POU2F1: variants seen among roughly 807,000 people sequenced by gnomAD.
The protein encoded by POU2F1 is POU class 2 homeobox 1, also known as POU domain, class 2, transcription factor 1.
Under a neutral mutation model 84.9 loss-of-function variants are expected in POU2F1, and 16 were observed. That is an observed-to-expected ratio of 0.19 (90% CI 0.13 to 0.29). The LOEUF (loss-of-function observed/expected upper bound fraction) is 0.29. Among genes scored for constraint, POU2F1 ranks in the 10% least tolerant of loss-of-function variants. The probability of loss-of-function intolerance (pLI) is 1.00; values close to 1 mark genes in which losing one functional copy is unlikely to be tolerated. For missense variants in POU2F1, 738 were observed against 942.6 expected, an observed-to-expected ratio of 0.78 and a Z score of 2.84; for synonymous variants, 368 against 368.3, an observed-to-expected ratio of 1.00 and a Z score of 0.01.
chr1:167,358,948 C>T (rs1659167462), intron 2 of POU2F1, among the ~76,000 whole-genome samples: 1 of 151,550 alleles, frequency 6.6e-6, no homozygotes, highest in Non-Finnish European at 1.5e-5. Flanking sequence ...GAAGTTTATA[C>T]GTTACAAAGT....
chr1:167,318,760 A>T (rs1656100843), intron 1 of POU2F1, among the ~76,000 whole-genome samples: 1 of 152,186 alleles, frequency 6.6e-6, no homozygotes, highest in African/African-American at 2.4e-5. Context: ...TTCTTTTCTC[A>T]TGTGAGTGAG....
chr1:167,365,352 T>C, intron 2 of POU2F1, 115 bp from the exon 3 acceptor site: 1 of 633,992 alleles, frequency 1.6e-6, no homozygotes, highest in Non-Finnish European at 2.6e-6. Context: ...TCCTTGGAGG[T>C]ACTTAGAAAA....
At chr1:167,292,121 G>A (rs376576649) in intron 1 of POU2F1, among the ~76,000 whole-genome samples, 256 of 152,092 alleles carry the variant, frequency 1.7e-3, no homozygotes, top group African/African-American at 6.0e-3. Context: ...AGCTGTTGAG[G>A]CTTTTTATAG....
chr1:167,376,266 A>T, intron 7 of POU2F1, 111 bp downstream of exon 7: 2 of 1,199,642 alleles, frequency 1.7e-6, no homozygotes, highest in Non-Finnish European at 2.2e-6. Context: ...CAATGTTTTT[A>T]TTAAATTTTA....
In POU2F1 at chr1:167,322,595, G is replaced by A. The variant is rs151257885; in HGVS notation, c.62-9875G>A. Among the ~76,000 whole-genome samples the A allele has an allele frequency of 2.6e-3, 401 of 152,316 alleles. 2 individuals are homozygous for A. The highest frequency in any genetic ancestry group is 3.6e-3 in the African/African-American group (148 of 41,570). On this transcript the variant is annotated intron_variant, in intron 1 of 15. Transcript: ENST00000367866. ...GAATGGCCTGAGCCAGAAATGCCCC[G>A]GTTTGGGCGCTACTTGCCGAGACCA...
At chr1:167,394,510 G>A (rs921311551) in intron 9 of POU2F1, among the ~76,000 whole-genome samples, 13 of 152,154 alleles carry the variant, frequency 8.5e-5, no homozygotes, top group African/African-American at 2.9e-4. Flanking sequence ...AGTATATTCA[G>A]AACTGTCATT....
At chr1:167,354,167 A>G (rs1658780377) in intron 2 of POU2F1, among the ~76,000 whole-genome samples, 1 of 152,220 alleles carries the variant, frequency 6.6e-6, no homozygotes, top group African/African-American at 2.4e-5. Context: ...TGTTTATTCC[A>G]TTATTGATGG....
At chr1:167,385,191 A>G (rs1458196473) in intron 8 of POU2F1, among the ~76,000 whole-genome samples, 1 of 152,172 alleles carries the variant, frequency 6.6e-6, no homozygotes, top group East Asian at 1.9e-4. Context: ...TTAAAGACCT[A>G]TAAAATAGAA....
At chr1:167,375,948 A>G in intron 6 of POU2F1, 81 bp from the exon 7 acceptor site, 1 of 1,490,226 alleles carries the variant, frequency 6.7e-7, no homozygotes, top group Non-Finnish European at 9.3e-7. Flanking sequence ...GATGTGACAG[A>G]AGTCATCAGC....
Position 167,415,772 on chromosome 1 carries a change from G to A in POU2F1, c.2263G>A (p.Ala755Thr), listed in dbSNP as rs758039899. The change falls in exon 16 of 16, where the codon GCT becomes ACT. Residue 755 changes from alanine to threonine, a missense_variant. Ala to Thr is a moderately conservative substitution (Grantham distance 58, BLOSUM62 0). This residue lies in a region of POU2F1 where 319 missense variants were observed against 386.0 expected (regional missense o/e 0.83). Coordinates refer to ENST00000367866, the MANE Select transcript of POU2F1 (RefSeq NM_002697.4). ...SLFTVASASGAASTTTTASKA... is the reference protein window; with the variant it reads ...SLFTVASASGTASTTTTASKA... ...CTTCACAGTGGCCTCTGCCAGCGGGGCTGCGTCCACCACCACCACCGCCTC... is the reference window on the plus strand; with the variant it reads ...CTTCACAGTGGCCTCTGCCAGCGGGACTGCGTCCACCACCACCACCGCCTC... 4 of 1,613,936 alleles carry A rather than the reference G, an allele frequency of 2.5e-6. No individual in the cohort carries two copies. Among genetic ancestry groups the A allele is most frequent in the Non-Finnish European group, 3.4e-6 (4 of 1,180,000 alleles).
intron 13 of POU2F1, among the ~76,000 whole-genome samples, chr1:167,409,344 C>T (rs533698534): frequency 4.6e-5 from 7 of 152,168 alleles, no homozygotes; most frequent in African/African-American, 1.7e-4. Context: ...ACTATATACA[C>T]ACCTTGACTA....
chr1:167,339,377 C>T (rs1283946929), intron 2 of POU2F1, among the ~76,000 whole-genome samples: 1 of 152,162 alleles, frequency 6.6e-6, no homozygotes, highest in African/African-American at 2.4e-5. Context: ...TTCTGCTTTC[C>T]CACAAGATTT....
chr1:167,236,778 G>A (rs1248512461), intron 1 of POU2F1, among the ~76,000 whole-genome samples: 1 of 152,180 alleles, frequency 6.6e-6, no homozygotes, highest in Non-Finnish European at 1.5e-5. Context: ...TGTGGTCCTG[G>A]AGAGTCATAC....
chr1:167,278,444 G>C (rs1412726498), intron 1 of POU2F1, among the ~76,000 whole-genome samples: 1 of 152,166 alleles, frequency 6.6e-6, no homozygotes, highest in Non-Finnish European at 1.5e-5. Flanking sequence ...ATAGATAATG[G>C]TTAAATGACT....
intron 1 of POU2F1, among the ~76,000 whole-genome samples, chr1:167,240,004 GAC>G (rs1049794672): frequency 1.3e-5 from 2 of 149,522 alleles, no homozygotes; most frequent in African/African-American, 2.5e-5. Flanking sequence ...TTTTTGACAT[GAC>G]ACACAACTCA....
intron 2 of POU2F1, among the ~76,000 whole-genome samples, chr1:167,357,934 G>C (rs2101807588): frequency 6.8e-6 from 1 of 146,756 alleles, no homozygotes; most frequent in East Asian, 2.1e-4. Flanking sequence ...CTCCTGAATA[G>C]CTGGGACTAC....
chr1:167,307,785 A>T lies in POU2F1; in HGVS notation c.62-24685A>T, dbSNP rs1040550616. On this transcript the variant is annotated intron_variant, in intron 1 of 15. Transcript: ENST00000367866. Reference sequence around the variant, plus strand: ...TCAAATTTTGCCACTTGTCCCCAAAATGTCCCTTACACCAAAATAATCCAA... The same window carrying T: ...TCAAATTTTGCCACTTGTCCCCAAATTGTCCCTTACACCAAAATAATCCAA... Among the ~76,000 whole-genome samples, 8 of 152,300 alleles carry T rather than the reference A, an allele frequency of 5.3e-5. No homozygotes were observed. The East Asian group carries it at 1.4e-3, about 26-fold the overall frequency.
Position 167,423,782 on chromosome 1 carries a change from G to A in POU2F1, c.*7972G>A, listed in dbSNP as rs930105436. On this transcript the variant is annotated 3_prime_UTR_variant, in exon 16 of 16. Coordinates refer to ENST00000367866, the MANE Select transcript of POU2F1 (RefSeq NM_002697.4). ...TACTTGTTCATCATTGTATAAGTTA[G>A]CCACAGCTTCACAAGAGCAGCTTAA... The A allele has an allele frequency of 6.6e-6, 1 of 152,214 alleles. No homozygotes were observed. The highest frequency in any genetic ancestry group is 1.5e-5 in the Non-Finnish European group (1 of 68,052). The allele number at this position is 152,214 out of a possible 1,614,324, so 9.4% of individuals were successfully genotyped here.
chr1:167,298,383 A>G (rs979079398), intron 1 of POU2F1, among the ~76,000 whole-genome samples: 1 of 152,174 alleles, frequency 6.6e-6, no homozygotes, highest in Non-Finnish European at 1.5e-5. Context: ...GTAAAAATGT[A>G]TCTATGATAC....
Sources: allele counts gnomAD v4.1 joint callset (sites outside exome capture counted in the v4.1 genomes callset), GRCh38; gene constraint gnomAD v4.1.1; regional missense constraint gnomAD v4.1.1; transcripts MANE v1.5; gene names NCBI Gene and HGNC (gene_info 2026-07-23, HGNC 2026-07-21).